ZC3H12B: variants seen among roughly 807,000 people sequenced by gnomAD.
The protein encoded by ZC3H12B is zinc finger CCCH-type containing 12B.
In ZC3H12B, 7 loss-of-function variants were observed where a neutral mutation model predicts 43.9. That is an observed-to-expected ratio of 0.16 (90% CI 0.09 to 0.30). The LOEUF is 0.30. ZC3H12B is among the 10% of genes least tolerant of loss of function. The pLI, the probability that ZC3H12B is intolerant of heterozygous loss-of-function variation, is 1.00. For synonymous variants in ZC3H12B, 222 were observed against 241.7 expected (o/e 0.92, Z 0.76); for missense variants, 475 against 670.2 (o/e 0.71, Z 3.22).
the ZC3H12B span, among the ~76,000 whole-genome samples, chrX:65,055,729 G>A: frequency 9.0e-6 from 1 of 110,958 alleles, no homozygotes; most frequent in Non-Finnish European, 1.9e-5. Flanking sequence ...GTCTTTTTTT[G>A]GTTGGTATGC....
the ZC3H12B span, among the ~76,000 whole-genome samples, chrX:65,318,180 T>G: frequency 1.1e-5 from 1 of 91,637 alleles, no homozygotes; most frequent in Non-Finnish European, 1.9e-5. Flanking sequence ...CATGCCAACA[T>G]GTATTTTTTT....
chrX:65,202,191 A>T, the ZC3H12B span, among the ~76,000 whole-genome samples: 91 of 66,274 alleles, frequency 1.4e-3, no homozygotes, highest in African/African-American at 0.023. Flanking sequence ...AATATATATT[A>T]TATATAATAT....
chrX:65,054,799 T>C, the ZC3H12B span, among the ~76,000 whole-genome samples: 1 of 111,586 alleles, frequency 9.0e-6, no homozygotes, highest in Non-Finnish European at 1.9e-5. Context: ...AAGAAGTCCT[T>C]CACATCCCTT....
the ZC3H12B span, among the ~76,000 whole-genome samples, chrX:65,243,358 T>A: frequency 8.9e-6 from 1 of 112,203 alleles, no homozygotes; most frequent in Non-Finnish European, 1.9e-5. Context: ...AAGAAGTATA[T>A]GAAAAATGTT....
chrX:65,209,423 C>G, the ZC3H12B span, among the ~76,000 whole-genome samples: 1 of 84,492 alleles, frequency 1.2e-5, no homozygotes, highest in East Asian at 3.9e-4. Context: ...TTTCTGCCTT[C>G]ATTTCGTTAT....
the ZC3H12B span, among the ~76,000 whole-genome samples, chrX:65,223,413 G>A: frequency 4.5e-5 from 5 of 112,265 alleles, no homozygotes; most frequent in African/African-American, 1.6e-4. Context: ...CATTGGCTTA[G>A]GCAAAGACTT....
intron 3 of ZC3H12B, among the ~76,000 whole-genome samples, chrX:65,466,804 T>C (rs904322368): frequency 4.9e-5 from 5 of 101,145 alleles, no homozygotes; most frequent in East Asian, 3.1e-4. Context: ...TTGATTTGCA[T>C]TTTCCTGATT....
chrX:65,155,633 C>T, the ZC3H12B span, among the ~76,000 whole-genome samples: 4 of 111,100 alleles, frequency 3.6e-5, no homozygotes, highest in East Asian at 1.1e-3. Context: ...GCAGGAGGAT[C>T]CATTGAGCCC....
At chrX:65,212,488 T>C in the ZC3H12B span, among the ~76,000 whole-genome samples, 1 of 68,862 alleles carries the variant, frequency 1.5e-5, no homozygotes, top group Admixed American at 2.5e-4. Flanking sequence ...ATAATATATA[T>C]TATATAATAT....
intron 3 of ZC3H12B, among the ~76,000 whole-genome samples, chrX:65,449,455 G>A (rs1352875218): frequency 9.1e-6 from 1 of 110,242 alleles, no homozygotes; most frequent in Non-Finnish European, 1.9e-5. Context: ...CCCCTCTGTA[G>A]TAATAATACA....
chrX:65,113,985 G>GTGTA, the ZC3H12B span, among the ~76,000 whole-genome samples: 10 of 47,483 alleles, frequency 2.1e-4, no homozygotes, highest in African/African-American at 5.5e-4. Context: ...AGATATGCTT[G>GTGTA]TATATATATA....
the ZC3H12B span, among the ~76,000 whole-genome samples, chrX:65,146,100 T>A: frequency 2.2e-4 from 25 of 111,458 alleles, no homozygotes; most frequent in Admixed American, 3.8e-4. Flanking sequence ...GATTTCTCTT[T>A]TTCCTCAGGA....
the ZC3H12B span, among the ~76,000 whole-genome samples, chrX:65,192,755 A>T: frequency 1.0e-5 from 1 of 99,758 alleles, no homozygotes; most frequent in Non-Finnish European, 1.9e-5. Context: ...CTAATATTTT[A>T]TTGGGGATTT....
the ZC3H12B span, among the ~76,000 whole-genome samples, chrX:65,195,382 T>C: frequency 8.9e-6 from 1 of 111,852 alleles, no homozygotes; most frequent in African/African-American, 3.3e-5. Context: ...CTGTAACCCA[T>C]TATTTTAAAT....
the ZC3H12B span, among the ~76,000 whole-genome samples, chrX:65,038,007 C>A: frequency 9.0e-6 from 1 of 111,190 alleles, no homozygotes; most frequent in South Asian, 3.8e-4. Context: ...ACATTTCTAA[C>A]AACCTTCCGC....
At chrX:65,480,914 A>G (rs975900550) in intron 3 of ZC3H12B, among the ~76,000 whole-genome samples, 2 of 111,530 alleles carry the variant, frequency 1.8e-5, no homozygotes, top group African/African-American at 3.3e-5. Context: ...AACGTATCAC[A>G]TACATAAAGG....
At chrX:65,278,541 T>TA in the ZC3H12B span, among the ~76,000 whole-genome samples, 1 of 112,009 alleles carries the variant, frequency 8.9e-6, no homozygotes, top group Non-Finnish European at 1.9e-5. Flanking sequence ...TGCTTTCACT[T>TA]AAAAAATAAT....
the ZC3H12B span, among the ~76,000 whole-genome samples, chrX:65,152,190 C>T: frequency 9.0e-6 from 1 of 111,575 alleles, no homozygotes; most frequent in African/African-American, 3.3e-5. Context: ...GATGCCCTCT[C>T]TCACCACTCC....
chrX:65,250,296 A>C, the ZC3H12B span, among the ~76,000 whole-genome samples: 1 of 111,907 alleles, frequency 8.9e-6, no homozygotes, highest in Admixed American at 9.5e-5. Flanking sequence ...ATAGTATTCC[A>C]TTGTGTATAT....
Sources: allele counts gnomAD v4.1 joint callset (sites outside exome capture counted in the v4.1 genomes callset), GRCh38; gene constraint gnomAD v4.1.1; transcripts MANE v1.5; gene names NCBI Gene and HGNC (gene_info 2026-07-23, HGNC 2026-07-21).